Variants in ITGAM observed in about 807,000 individuals in gnomAD.
The protein encoded by ITGAM is integrin subunit alpha M.
In ITGAM, 79 loss-of-function variants were observed where a neutral mutation model predicts 137.5. That is an observed-to-expected ratio of 0.57 (90% CI 0.48 to 0.69). ITGAM has a LOEUF of 0.69. ITGAM is among the 30% of genes least tolerant of loss of function. ITGAM has a pLI of 0.00. For missense variants in ITGAM, 1,343 were observed against 1,483.5 expected, an observed-to-expected ratio of 0.91 and a Z score of 1.56; for synonymous variants, 583 against 592.3, an observed-to-expected ratio of 0.98 and a Z score of 0.23.
intron 14 of ITGAM, among the ~76,000 whole-genome samples, chr16:31,298,980 G>A (rs2080167441): frequency 6.6e-6 from 1 of 152,072 alleles, no homozygotes; most frequent in South Asian, 2.1e-4. Context: ...CATCTTCCCT[G>A]TTCATATTCT....
intron 14 of ITGAM, among the ~76,000 whole-genome samples, chr16:31,316,869 A>C (rs1411171272): frequency 1.3e-5 from 2 of 152,122 alleles, no homozygotes. Context: ...ATGCCATTGT[A>C]AATAGGATTA....
chr16:31,321,785 T>G (rs2080453895), intron 16 of ITGAM, among the ~76,000 whole-genome samples, 158 bp downstream of exon 16: 1 of 152,208 alleles, frequency 6.6e-6, no homozygotes, highest in Admixed American at 6.5e-5. Context: ...GCTATTGTCC[T>G]GCTGGGTAGG....
chr16:31,327,038 C>A, intron 22 of ITGAM, 103 bp downstream of exon 22: 1 of 867,338 alleles, frequency 1.2e-6, no homozygotes, highest in Non-Finnish European at 2.0e-6. Flanking sequence ...CTCCCTTCAA[C>A]TCATTTGTTC....
At chr16:31,284,939 C>T (rs2080012419) in intron 12 of ITGAM, among the ~76,000 whole-genome samples, 1 of 152,076 alleles carries the variant, frequency 6.6e-6, no homozygotes, top group Admixed American at 6.6e-5. Flanking sequence ...GCAGGACAAG[C>T]TGCATACAAA....
intron 2 of ITGAM, among the ~76,000 whole-genome samples, chr16:31,262,888 G>A (rs1325339808): frequency 1.3e-5 from 2 of 152,186 alleles, no homozygotes; most frequent in Non-Finnish European, 2.9e-5. Context: ...AGTGATTTGA[G>A]TCCATTAATC....
At chr16:31,283,334 G>T (rs534676862) in intron 12 of ITGAM, among the ~76,000 whole-genome samples, 4 of 152,194 alleles carry the variant, frequency 2.6e-5, no homozygotes, top group Admixed American at 6.5e-5. Flanking sequence ...GGTTCCATTC[G>T]CCCTGTCACT....
Position 31,260,164 on chromosome 16 carries a change from C to T in ITGAM, c.28+72C>T, listed in dbSNP as rs1596960992. ...TTTTGGGTCTGTCATAAATAGAGGG[C>T]CCAGAATATGTAGGAGTCAGTCTGG... On this transcript the variant is annotated intron_variant, in intron 1 of 29. Coordinates refer to ENST00000544665, the MANE Select transcript of ITGAM (RefSeq NM_000632.4). The T allele has an allele frequency of 1.5e-5, 17 of 1,128,308 alleles. No individual in the cohort carries two copies. The East Asian group carries it at 4.3e-4, about 29-fold the overall frequency. The allele number at this position is 1,128,308 out of a possible 1,614,324, so 69.9% of individuals were successfully genotyped here.
intron 12 of ITGAM, among the ~76,000 whole-genome samples, chr16:31,282,618 A>T (rs1214339127): frequency 6.6e-6 from 1 of 152,114 alleles, no homozygotes; most frequent in African/African-American, 2.4e-5. Flanking sequence ...GTGTCTCTGC[A>T]CGTGAGATGG....
In ITGAM at chr16:31,314,784, C is replaced by T. The variant is rs145578471; in HGVS notation, c.1708-6457C>T. On this transcript the variant is annotated intron_variant, in intron 14 of 29. Coordinates refer to ENST00000544665, the MANE Select transcript of ITGAM (RefSeq NM_000632.4). Reference sequence around the variant, plus strand: ...AGCTACAGCCAACTTTTACAGCAAACGGTTAGGCTGTTCCTCCTGTGGTAG... The same window carrying T: ...AGCTACAGCCAACTTTTACAGCAAATGGTTAGGCTGTTCCTCCTGTGGTAG... Among the ~76,000 whole-genome samples the T allele has an allele frequency of 5.7e-4, 85 of 150,044 alleles. 1 individual carries two copies. Among genetic ancestry groups the T allele is most frequent in the East Asian group, 9.7e-4 (5 of 5,130 alleles).
At position 31,330,546 on chromosome 16, in the gene ITGAM, TTGTTTAACGATTCCG is replaced by T; in HGVS notation, c.3222_3236del (p.Asn1075_Phe1079del). 6.2e-7 allele frequency: 1 copy of T among 1,613,586 alleles called. No homozygotes were observed. Among genetic ancestry groups the T allele is most frequent in the Admixed American group, 1.7e-5 (1 of 59,962 alleles). ...CCTGATCGTGAGCACAGCTGAGATC[TTGTTTAACGATTCCG>T]TGTTCACCCTGCTGCCGGGACAGGG... On this transcript the variant is annotated inframe_deletion, in exon 28 of 30. Coordinates refer to ENST00000544665, the MANE Select transcript of ITGAM (RefSeq NM_000632.4).
chr16:31,299,964 C>T (rs576711792), intron 14 of ITGAM, among the ~76,000 whole-genome samples: 9 of 151,718 alleles, frequency 5.9e-5, no homozygotes, highest in Non-Finnish European at 1.2e-4. Flanking sequence ...GCTCAAGCGA[C>T]CCTCCCACCT....
At chr16:31,307,474 T>C (rs1344901112) in intron 14 of ITGAM, among the ~76,000 whole-genome samples, 1 of 152,210 alleles carries the variant, frequency 6.6e-6, no homozygotes, top group African/African-American at 2.4e-5. Context: ...GTAAGAATGC[T>C]TGTGATTTTT....
intron 8 of ITGAM, 28 bp from the exon 9 acceptor site, chr16:31,275,521 T>C: frequency 6.2e-7 from 1 of 1,611,276 alleles, no homozygotes; most frequent in Non-Finnish European, 8.5e-7. Flanking sequence ...CCTCACACCA[T>C]GATTTAGCCT....
At chr16:31,305,622 G>C (rs1165657641) in intron 14 of ITGAM, among the ~76,000 whole-genome samples, 1 of 152,046 alleles carries the variant, frequency 6.6e-6, no homozygotes, top group Non-Finnish European at 1.5e-5. Flanking sequence ...ATTATTTTGA[G>C]ATAAGTCCCT....
chr16:31,331,771 C>T lies in ITGAM; in HGVS notation c.*64C>T, dbSNP rs1482536689. On this transcript the variant is annotated 3_prime_UTR_variant, in exon 30 of 30. Coordinates refer to ENST00000544665, the MANE Select transcript of ITGAM (RefSeq NM_000632.4). The stretch of plus-strand genomic sequence containing the variant: ...AGGACTCTGCCCAGACCACACGTAG[C>T]CCCCAGGCTGCTGGACACGTCGGAC... 4.7e-6 allele frequency: 6 copies of T among 1,285,362 alleles called. No individual in the cohort carries two copies. Among genetic ancestry groups the T allele is most frequent in the Admixed American group, 5.0e-5 (2 of 40,128 alleles). 79.6% of individuals were successfully genotyped at this position (1,285,362 alleles called of 1,614,324 possible).
intron 16 of ITGAM, among the ~76,000 whole-genome samples, chr16:31,323,381 G>A (rs183235145): frequency 6.8e-5 from 10 of 147,412 alleles, no homozygotes; most frequent in East Asian, 6.0e-4. Context: ...AGCTGAGATC[G>A]CCCCATTGCA....
chr16:31,331,711 C>T lies in ITGAM; in HGVS notation c.*4C>T, dbSNP rs531983242. ...CCCGGGGGCCGAACCCCAGTAGCGG[C>T]TCCTTCCCGACAGAGCTGCCTCTCG... On this transcript the variant is annotated 3_prime_UTR_variant, in exon 30 of 30. Coordinates refer to ENST00000544665, the MANE Select transcript of ITGAM (RefSeq NM_000632.4). 3.1e-6 allele frequency: 5 copies of T among 1,595,762 alleles called. No individual in the cohort carries two copies. Among genetic ancestry groups the T allele is most frequent in the Non-Finnish European group, 4.3e-6 (5 of 1,171,208 alleles).
intron 12 of ITGAM, among the ~76,000 whole-genome samples, chr16:31,295,436 TA>T (rs1462875037): frequency 6.6e-6 from 1 of 151,928 alleles, no homozygotes; most frequent in East Asian, 1.9e-4. Context: ...TAAGCTTAGG[TA>T]TTTTTTTTGA....
At chr16:31,285,503 C>T (rs1045238219) in intron 12 of ITGAM, among the ~76,000 whole-genome samples, 8 of 151,948 alleles carry the variant, frequency 5.3e-5, no homozygotes, top group African/African-American at 7.2e-5. Context: ...AGCGTGGTGG[C>T]GTGTGCATCT....
Sources: allele counts gnomAD v4.1 joint callset (sites outside exome capture counted in the v4.1 genomes callset), GRCh38; gene constraint gnomAD v4.1.1; transcripts MANE v1.5; gene names NCBI Gene and HGNC (gene_info 2026-07-23, HGNC 2026-07-21).